RAB3GAP2: variants seen among roughly 807,000 people sequenced by gnomAD.
The protein encoded by RAB3GAP2 is rab3 GTPase-activating protein non-catalytic subunit.
RAB3GAP2 carries 87 observed loss-of-function variants against 185.3 expected under a neutral mutation model. The observed-to-expected ratio is 0.47, with a 90% CI of 0.39 to 0.56. RAB3GAP2 has a LOEUF of 0.56. RAB3GAP2 is among the 20% of genes least tolerant of loss of function. The pLI, the probability that RAB3GAP2 is intolerant of heterozygous loss-of-function variation, is 0.00. For synonymous variants in RAB3GAP2, 554 were observed against 576.1 expected (o/e 0.96, Z 0.55); for missense variants, 1,492 against 1,638.2 (o/e 0.91, Z 1.54).
intron 17 of RAB3GAP2, among the ~76,000 whole-genome samples, chr1:220,189,495 A>AAT (rs1258032543): frequency 6.8e-6 from 1 of 147,180 alleles, no homozygotes; most frequent in East Asian, 2.0e-4. Context: ...CTAGGATTAC[A>AAT]GTTACAGGCA....
Position 220,171,028 on chromosome 1 carries a change from C to G in RAB3GAP2, c.2670G>C (p.Leu890=). Residue 890 remains leucine (L), a synonymous_variant, in exon 24 of 35, where the codon CTG becomes CTC. Transcript: ENST00000358951. ...GTATGAGACAATCCTCCAGCTGTTTCAGAAGGAGTTTCCAGTACTCAGTGT... is the reference window on the plus strand; with the variant it reads ...GTATGAGACAATCCTCCAGCTGTTTGAGAAGGAGTTTCCAGTACTCAGTGT... ...SLDTEYWKLL[L]KQLEDCLILQ... The G allele has an allele frequency of 6.2e-7, 1 of 1,614,118 alleles. No individual in the cohort carries two copies. The highest frequency in any genetic ancestry group is 8.5e-7 in the Non-Finnish European group (1 of 1,179,990).
intron 9 of RAB3GAP2, chr1:220,200,790 G>C (rs1658839251): frequency 5.4e-6 from 2 of 371,062 alleles, no homozygotes; most frequent in South Asian, 4.3e-5. Context: ...AAGATGGCCT[G>C]TGTGTCAGAT....
intron 1 of RAB3GAP2, among the ~76,000 whole-genome samples, chr1:220,238,950 C>G (rs1161792351): frequency 6.6e-6 from 1 of 152,130 alleles, no homozygotes; most frequent in African/African-American, 2.4e-5. Flanking sequence ...TATGTGCACA[C>G]ACATACACAT....
At chr1:220,237,032 T>C (rs1024307497) in intron 1 of RAB3GAP2, among the ~76,000 whole-genome samples, 6 of 152,212 alleles carry the variant, frequency 3.9e-5, no homozygotes, top group Admixed American at 1.3e-4. Context: ...ACCATGATTG[T>C]TTCTTAGAAG....
At chr1:220,226,433 A>T (rs77920162) in intron 2 of RAB3GAP2, among the ~76,000 whole-genome samples, 1 of 124,130 alleles carries the variant, frequency 8.1e-6, no homozygotes, top group African/African-American at 2.6e-5. Flanking sequence ...TAATACTCTT[A>T]AAAAAAAAAA....
chr1:220,206,037 GAATA>G, intron 7 of RAB3GAP2, 31 bp from the exon 8 acceptor site: 1 of 1,339,960 alleles, frequency 7.5e-7, no homozygotes. Flanking sequence ...AAAAGTTCTT[GAATA>G]GATAAATAAG....
intron 1 of RAB3GAP2, among the ~76,000 whole-genome samples, chr1:220,256,312 A>C (rs1418530578): frequency 6.6e-6 from 1 of 152,232 alleles, no homozygotes; most frequent in African/African-American, 2.4e-5. Flanking sequence ...ACAGTGAAGT[A>C]CACAGACCAG....
chr1:220,177,882 G>T lies in RAB3GAP2; in HGVS notation c.2310+4375C>A, dbSNP rs146610842. 2.0e-5 allele frequency among the ~76,000 whole-genome samples: 3 copies of T among 152,220 alleles called. No homozygotes were observed. In the East Asian group the frequency reaches 5.8e-4, roughly 29 times the overall value. On this transcript the variant is annotated intron_variant, in intron 21 of 34. Coordinates refer to ENST00000358951, the MANE Select transcript of RAB3GAP2 (RefSeq NM_012414.4). ...AGAGAGAACTGAGAAAGACAAAGGA[G>T]TAGAACGTTTACTCAAATAAGTAAT...
At chr1:220,253,864 T>A (rs1381322955) in intron 1 of RAB3GAP2, 29 of 1,612,804 alleles carry the variant, frequency 1.8e-5, no homozygotes, top group Non-Finnish European at 2.4e-5. Flanking sequence ...AAAGAAGACA[T>A]CTGGTCTGCA....
chr1:220,167,646 T>C lies in RAB3GAP2; in HGVS notation c.2836A>G (p.Ile946Val), dbSNP rs766268488. The C allele has an allele frequency of 2.5e-6, 4 of 1,614,066 alleles. No homozygotes were observed. In the South Asian group the frequency reaches 4.4e-5, roughly 18 times the overall value. ...TCAGGGCTGAAGTCCTGTTTAAATA[T>C]CCACTTGGCTACACTGTCTGCAATG... is the stretch of plus-strand genomic sequence containing the variant. Reference protein sequence around the residue: ...GGIADSVAKWIFKQDFSPEVL... With the variant: ...GGIADSVAKWVFKQDFSPEVL... The change falls in exon 25 of 35, where the codon ATA becomes GTA. Residue 946 changes from isoleucine (I) to valine (V), a missense_variant. Transcript: ENST00000358951.
chr1:220,223,220 C>A (rs1659340400), intron 2 of RAB3GAP2, among the ~76,000 whole-genome samples: 1 of 152,064 alleles, frequency 6.6e-6, no homozygotes, highest in Non-Finnish European at 1.5e-5. Flanking sequence ...CTGACCACAA[C>A]TGTTTAATAC....
intron 17 of RAB3GAP2, among the ~76,000 whole-genome samples, chr1:220,188,532 A>G (rs1658547985): frequency 6.6e-6 from 1 of 152,172 alleles, no homozygotes; most frequent in Non-Finnish European, 1.5e-5. Flanking sequence ...GGCAAAAAGT[A>G]AAGGTCTGGC....
At chr1:220,210,325 G>A in intron 7 of RAB3GAP2, 63 bp downstream of exon 7, 1 of 1,196,488 alleles carries the variant, frequency 8.4e-7, no homozygotes, top group South Asian at 1.2e-5. Context: ...ACCTAAAAAA[G>A]AGGAGAGAAA....
Position 220,191,262 on chromosome 1 carries a change from T to C in RAB3GAP2, c.1293A>G (p.Gly431=). ...MWKGYRDAQI[G]WIQTVEDLHE... ...GGAGGTCCTCTACAGTTTGAATCCA[T>C]CCAATTTGTGCGTCGCGGTACCCTT... The change falls in exon 14 of 35, where the codon GGA becomes GGG. Residue 431 remains glycine, a synonymous_variant. Coordinates refer to ENST00000358951, the MANE Select transcript of RAB3GAP2 (RefSeq NM_012414.4). 1.9e-6 allele frequency: 3 copies of C among 1,606,886 alleles called. No individual in the cohort carries two copies. Among genetic ancestry groups the C allele is most frequent in the South Asian group, 1.1e-5 (1 of 90,932 alleles).
intron 2 of RAB3GAP2, among the ~76,000 whole-genome samples, chr1:220,217,639 T>A (rs1016082187): frequency 2.6e-5 from 4 of 152,104 alleles, no homozygotes; most frequent in African/African-American, 7.2e-5. Flanking sequence ...TGTAGCACAG[T>A]CCACTAATAG....
rs1251287930 is a variant in RAB3GAP2 at position 220,210,463 on chromosome 1, A to C, written c.537T>G (p.Leu179=). 1 of 1,614,092 alleles carries C rather than the reference A, an allele frequency of 6.2e-7. No individual in the cohort carries two copies. The highest frequency in any genetic ancestry group is 8.5e-7 in the Non-Finnish European group (1 of 1,179,932). ...TENGVLLLAQ[L]LNEDPVLQLK... ...GTTGAAGTACTGGGTCCTCATTCAA[A>C]AGCTGTGCAAGCAAGAGCACACCAT... is the stretch of plus-strand genomic sequence containing the variant. Residue 179 remains leucine (L), a synonymous_variant, in exon 7 of 35, where the codon CTT becomes CTG. Coordinates refer to ENST00000358951, the MANE Select transcript of RAB3GAP2 (RefSeq NM_012414.4).
rs758157780 is a variant in RAB3GAP2 at position 220,172,687 on chromosome 1, T to C, written c.2366A>G (p.Gln789Arg). ...SKEKDILDKP[Q>R]SICCLHTMLS... ...CATGGTATGAAGACAGCAGATTGAC[T>C]GTGGTTTATCCAAAATATCCTTTTC... The change falls in exon 22 of 35, where the codon CAG becomes CGG. Residue 789 changes from glutamine (Q) to arginine (R), a missense_variant. Gln to Arg is a conservative substitution (Grantham distance 43). Coordinates refer to ENST00000358951, the MANE Select transcript of RAB3GAP2 (RefSeq NM_012414.4). The C allele has an allele frequency of 1.5e-5, 24 of 1,613,398 alleles. No individual in the cohort carries two copies. In the African/African-American group the frequency reaches 1.7e-4, roughly 12 times the overall value.
chr1:220,184,048 T>C lies in RAB3GAP2; in HGVS notation c.1986A>G (p.Pro662=), dbSNP rs1282826822. ...TGGGATTACTCACATTATCAGAGAATGGTGTGTCTAAATGAAAATCAAGGG... is the reference window on the plus strand; with the variant it reads ...TGGGATTACTCACATTATCAGAGAACGGTGTGTCTAAATGAAAATCAAGGG... ...LNSLDFHLDT[P]FSDNDLALLL... Residue 662 remains proline (P), a synonymous_variant, in exon 19 of 35, where the codon CCA becomes CCG. Coordinates refer to ENST00000358951, the MANE Select transcript of RAB3GAP2 (RefSeq NM_012414.4). 2 of 1,573,904 alleles carry C rather than the reference T, an allele frequency of 1.3e-6. No individual in the cohort carries two copies. The highest frequency in any genetic ancestry group is 2.2e-5 in the East Asian group (1 of 44,472).
chr1:220,224,849 C>T (rs976321833), intron 2 of RAB3GAP2, among the ~76,000 whole-genome samples: 1 of 152,158 alleles, frequency 6.6e-6, no homozygotes, highest in South Asian at 2.1e-4. Flanking sequence ...ATTGCAAAAT[C>T]ACCAGCAGCC....
Sources: allele counts gnomAD v4.1 joint callset (sites outside exome capture counted in the v4.1 genomes callset), GRCh38; gene constraint gnomAD v4.1.1; transcripts MANE v1.5; gene names NCBI Gene and HGNC (gene_info 2026-07-23, HGNC 2026-07-21).